The following SUFU variants were observed in gnomAD, a reference collection of about 807,000 sequenced individuals.
SUFU encodes the protein suppressor of fused homolog.
In SUFU, 7 loss-of-function variants were observed where a neutral mutation model predicts 58.9. That is an observed-to-expected ratio of 0.12 (90% CI 0.07 to 0.22). SUFU has a LOEUF of 0.22. SUFU is among the 10% of genes least tolerant of loss of function. The probability of loss-of-function intolerance (pLI) is 1.00; values close to 1 mark genes in which losing one functional copy is unlikely to be tolerated. For synonymous variants in SUFU, 232 were observed against 254.8 expected, an observed-to-expected ratio of 0.91 and a Z score of 0.85; for missense variants, 451 against 641.3, an observed-to-expected ratio of 0.70 and a Z score of 3.20.
chr10:102,573,736 A>G (rs1423543746), intron 3 of SUFU, among the ~76,000 whole-genome samples: 2 of 152,212 alleles, frequency 1.3e-5, no homozygotes, highest in African/African-American at 2.4e-5. Context: ...ACACAAAAAG[A>G]CAAATATTGT....
intron 3 of SUFU, among the ~76,000 whole-genome samples, chr10:102,566,021 T>C (rs370897295): frequency 1.3e-5 from 2 of 152,222 alleles, no homozygotes; most frequent in East Asian, 3.8e-4. Context: ...TGAAGCCCAC[T>C]GGCAAGCAGA....
intron 3 of SUFU, among the ~76,000 whole-genome samples, chr10:102,585,610 A>C (rs1249482787): frequency 6.6e-6 from 1 of 152,064 alleles, no homozygotes; most frequent in Non-Finnish European, 1.5e-5. Context: ...GGGCTCAAAC[A>C]ATCCTCCCAC....
At chr10:102,538,352 T>A (rs1414031563) in intron 2 of SUFU, among the ~76,000 whole-genome samples, 1 of 151,978 alleles carries the variant, frequency 6.6e-6, no homozygotes, top group Non-Finnish European at 1.5e-5. Flanking sequence ...CAAGAGGCTT[T>A]TTTTTTTCCA....
intron 8 of SUFU, among the ~76,000 whole-genome samples, chr10:102,605,100 G>T (rs1034309646): frequency 2.6e-5 from 4 of 151,794 alleles, no homozygotes; most frequent in Non-Finnish European, 5.9e-5. Flanking sequence ...TGTATTTTTA[G>T]TACAGATGGG....
intron 8 of SUFU, among the ~76,000 whole-genome samples, chr10:102,608,313 T>G (rs762195984): frequency 3.3e-5 from 5 of 151,944 alleles, no homozygotes; most frequent in Admixed American, 1.3e-4. Flanking sequence ...GGGAAAACAG[T>G]GACTATTGTA....
intron 6 of SUFU, 141 bp from the exon 7 acceptor site, chr10:102,596,999 A>C: frequency 1.0e-6 from 1 of 987,750 alleles, no homozygotes; most frequent in East Asian, 2.5e-5. Context: ...ACAAGGTCAG[A>C]GATCCTGCTC....
At chr10:102,513,726 G>T (rs2062429549) in intron 2 of SUFU, among the ~76,000 whole-genome samples, 1 of 152,166 alleles carries the variant, frequency 6.6e-6, no homozygotes. Context: ...GCCTGACGCG[G>T]TACCAACAAC....
At chr10:102,593,756 T>C in intron 5 of SUFU, 35 bp downstream of exon 5, 1 of 1,594,118 alleles carries the variant, frequency 6.3e-7, no homozygotes, top group Non-Finnish European at 8.6e-7. Context: ...CGCGGCTCCC[T>C]GGGCCTGGGG....
intron 2 of SUFU, among the ~76,000 whole-genome samples, chr10:102,535,243 C>T (rs1421392423): frequency 6.6e-6 from 1 of 151,988 alleles, no homozygotes; most frequent in African/African-American, 2.4e-5. Flanking sequence ...TCCCAACACT[C>T]TGGGAGGCTG....
chr10:102,600,870 G>A (rs1053079074), intron 8 of SUFU, among the ~76,000 whole-genome samples: 1 of 152,184 alleles, frequency 6.6e-6, no homozygotes, highest in Admixed American at 6.5e-5. Flanking sequence ...ACTCCGGCCT[G>A]TAGGTTTCTC....
intron 3 of SUFU, among the ~76,000 whole-genome samples, chr10:102,581,103 C>A (rs752347716): frequency 2.1e-5 from 3 of 142,872 alleles, no homozygotes; most frequent in African/African-American, 8.0e-5. Flanking sequence ...TCACTTGAAC[C>A]CAGGAAGTGG....
intron 2 of SUFU, among the ~76,000 whole-genome samples, chr10:102,531,959 C>CTTT (rs112325593): frequency 6.8e-6 from 1 of 146,854 alleles, no homozygotes; most frequent in Non-Finnish European, 1.5e-5. Flanking sequence ...CCTGTGAGAA[C>CTTT]TTTTTTTTTT....
At chr10:102,509,379 G>C in intron 2 of SUFU, 76 bp downstream of exon 2, 1 of 1,584,780 alleles carries the variant, frequency 6.3e-7, no homozygotes, top group East Asian at 2.2e-5. Flanking sequence ...CAATGTCATA[G>C]TGCTGTGAGC....
At chr10:102,620,284 C>T (rs1032525664) in intron 10 of SUFU, among the ~76,000 whole-genome samples, 1 of 152,190 alleles carries the variant, frequency 6.6e-6, no homozygotes, top group Non-Finnish European at 1.5e-5. Flanking sequence ...GCAGAGACAT[C>T]CTGCAGGGGG....
chr10:102,505,820 C>CATTA (rs2062318297), intron 1 of SUFU, among the ~76,000 whole-genome samples: 1 of 152,162 alleles, frequency 6.6e-6, no homozygotes, highest in Non-Finnish European at 1.5e-5. Context: ...GAGTGGAAAG[C>CATTA]AGCTCTTGCT....
intron 2 of SUFU, among the ~76,000 whole-genome samples, chr10:102,510,630 C>G (rs1024386269): frequency 6.7e-6 from 1 of 149,978 alleles, no homozygotes; most frequent in Non-Finnish European, 1.5e-5. Context: ...GAGACCAGCC[C>G]GGCCAACATG....
intron 10 of SUFU, among the ~76,000 whole-genome samples, chr10:102,626,370 A>C (rs1201124732): frequency 6.6e-6 from 1 of 152,172 alleles, no homozygotes; most frequent in Non-Finnish European, 1.5e-5. Context: ...AAACTTCTTT[A>C]GCGGATGAAG....
At chr10:102,610,012 T>C (rs1232056982) in intron 8 of SUFU, among the ~76,000 whole-genome samples, 1 of 152,170 alleles carries the variant, frequency 6.6e-6, no homozygotes, top group Non-Finnish European at 1.5e-5. Context: ...CCTCATTGCC[T>C]TTTTATTTAT....
intron 2 of SUFU, among the ~76,000 whole-genome samples, chr10:102,518,544 T>TCTATCTA (rs2062503414): frequency 6.6e-6 from 1 of 151,000 alleles, no homozygotes; most frequent in Admixed American, 6.6e-5. Context: ...TATCTATCTA[T>TCTATCTA]CTATTTATTT....
Sources: allele counts gnomAD v4.1 joint callset (sites outside exome capture counted in the v4.1 genomes callset), GRCh38; gene constraint gnomAD v4.1.1; transcripts MANE v1.5; gene names NCBI Gene and HGNC (gene_info 2026-07-23, HGNC 2026-07-21).